The following FAM120C variants were observed in gnomAD, a reference collection of about 807,000 sequenced individuals.
FAM120C encodes family with sequence similarity 120 member C.
In FAM120C, 14 loss-of-function variants were observed where a neutral mutation model predicts 71.2. The observed-to-expected ratio is 0.20, with a 90% CI of 0.13 to 0.31. FAM120C has a LOEUF of 0.31. FAM120C is among the 10% of genes least tolerant of loss of function. The pLI is 1.00. For synonymous variants in FAM120C, 354 were observed against 353.2 expected (o/e 1.00, Z -0.03); for missense variants, 500 against 879.0 (o/e 0.57, Z 5.45).
intron 14 of FAM120C, 91 bp downstream of exon 14, chrX:54,081,231 A>C: frequency 1.1e-6 from 1 of 915,713 alleles, no homozygotes; most frequent in Admixed American, 3.3e-5. Flanking sequence ...TCTTGCCTTA[A>C]TAGAAGGATT....
chrX:54,127,012 A>C (rs997519851), intron 9 of FAM120C, among the ~76,000 whole-genome samples: 2 of 111,901 alleles, frequency 1.8e-5, no homozygotes, highest in Admixed American at 1.9e-4. Context: ...TCTGGTGGGA[A>C]CCTGCTTCCT....
chrX:54,126,762 C>T (rs1337256126), intron 9 of FAM120C, among the ~76,000 whole-genome samples: 1 of 113,171 alleles, frequency 8.8e-6, no homozygotes, highest in African/African-American at 3.2e-5. Context: ...AAATATTGAA[C>T]AAGTCTTACA....
chrX:54,091,504 T>C lies in FAM120C; in HGVS notation c.2313-78A>G. On this transcript the variant is annotated intron_variant, in intron 10 of 15. Transcript: ENST00000375180. ...ACAAAAACTTATTAAGCTAAGAACC[T>C]ATCATGAGCCAGTACTTGGCTAGAT... 4.4e-6 allele frequency: 3 copies of C among 685,783 alleles called. No homozygotes were observed. The Admixed American group carries it at 9.2e-5, about 21-fold the overall frequency. 56.5% of individuals were successfully genotyped at this position (685,783 alleles called of 1,213,427 possible). A position where few individuals can be genotyped will look rare whatever the true frequency, so the allele number is the denominator to read the frequency against.
intron 2 of FAM120C, among the ~76,000 whole-genome samples, chrX:54,158,158 T>C (rs1336689874): frequency 2.7e-5 from 3 of 112,447 alleles, no homozygotes; most frequent in Non-Finnish European, 5.6e-5. Context: ...AGCCACCAAT[T>C]ACTAACTGCC....
chrX:54,089,891 G>A (rs781828482), intron 11 of FAM120C, among the ~76,000 whole-genome samples: 4 of 109,554 alleles, frequency 3.7e-5, no homozygotes, highest in African/African-American at 1.3e-4. Context: ...CCTGGGAGGC[G>A]GAGGTTGTGG....
rs34032200 is a variant in FAM120C at position 54,075,797 on chromosome X, C to CA, written c.3037-2511dup. 9.8e-3 allele frequency among the ~76,000 whole-genome samples: 438 copies of CA among 44,495 alleles called. 3 individuals are homozygous for CA. The highest frequency in any genetic ancestry group is 0.018 in the African/African-American group (213 of 11,554). The allele number at this position is 44,495 out of a possible 115,157, so 38.6% of individuals were successfully genotyped here. A position where few individuals can be genotyped will look rare whatever the true frequency, so the allele number is the denominator to read the frequency against. On this transcript the variant is annotated intron_variant, in intron 15 of 15. Coordinates refer to ENST00000375180, the MANE Select transcript of FAM120C (RefSeq NM_017848.6). Reference sequence around the variant, plus strand: ...CTGGCGACAGAACGAGACTCTGTCTCAAAAAAAAAAAAAAAAAGAATTTAA... The same window carrying CA: ...CTGGCGACAGAACGAGACTCTGTCTCAAAAAAAAAAAAAAAAAAGAATTTAA...
In FAM120C at chrX:54,159,250, A is replaced by G. The variant is rs1350877170; in HGVS notation, c.946+120T>C. 3.3e-6 allele frequency: 3 copies of G among 903,019 alleles called. No individual in the cohort carries two copies. In the East Asian group the frequency reaches 9.6e-5, roughly 29 times the overall value. 74.4% of individuals were successfully genotyped at this position (903,019 alleles called of 1,213,427 possible). A position where few individuals can be genotyped will look rare whatever the true frequency, so the allele number is the denominator to read the frequency against. On this transcript the variant is annotated intron_variant, in intron 2 of 15. Coordinates refer to ENST00000375180, the MANE Select transcript of FAM120C (RefSeq NM_017848.6). The stretch of plus-strand genomic sequence containing the variant: ...TGCTGAGTTCTCCCCAGCAGTGTTT[A>G]GCGTGAAGACTTTAAGAAGACAAAT...
At chrX:54,081,646 C>T (rs1447422506) in intron 13 of FAM120C, among the ~76,000 whole-genome samples, 186 bp from the exon 14 acceptor site, 7 of 108,881 alleles carry the variant, frequency 6.4e-5, no homozygotes, top group South Asian at 8.1e-4. Context: ...TCGTGGTGTG[C>T]GGCTGCAATC....
chrX:54,177,069 C>T (rs782107773), intron 1 of FAM120C, among the ~76,000 whole-genome samples: 3 of 110,903 alleles, frequency 2.7e-5, no homozygotes, highest in Non-Finnish European at 3.8e-5. Flanking sequence ...AGAGAGGACA[C>T]GGTATGTCTA....
intron 10 of FAM120C, among the ~76,000 whole-genome samples, chrX:54,099,765 T>C (rs782303433): frequency 1.8e-5 from 2 of 112,590 alleles, no homozygotes; most frequent in Admixed American, 1.9e-4. Flanking sequence ...TTGTCAAAAA[T>C]TAATTGACCA....
intron 12 of FAM120C, among the ~76,000 whole-genome samples, chrX:54,087,544 T>G (rs907299684): frequency 2.7e-5 from 3 of 111,376 alleles, no homozygotes; most frequent in African/African-American, 9.8e-5. Flanking sequence ...TTTAAGCTCA[T>G]TAAAAAAAAC....
At position 54,135,051 on chromosome X, in the gene FAM120C, A is replaced by G; in HGVS notation, c.1396T>C (p.Ser466Pro). The change falls in exon 7 of 16, where the codon TCA becomes CCA. Residue 466 changes from serine (S) to proline (P), a missense_variant. By Grantham distance (74) the Ser-to-Pro change is moderately conservative. This residue lies in a region of FAM120C where 85 missense variants were observed against 84.9 expected (regional missense o/e 1.00). Coordinates refer to ENST00000375180, the MANE Select transcript of FAM120C (RefSeq NM_017848.6). ...YPPPFPVGPN[S>P]SLLFSSHALG... ...GCATGGGAGGAGAAGAGAAGAGATG[A>G]GTTGGGTCCCACTGGGAATGGTGGT... 1 of 1,209,493 alleles carries G rather than the reference A, an allele frequency of 8.3e-7. No homozygotes were observed. The highest frequency in any genetic ancestry group is 1.1e-6 in the Non-Finnish European group (1 of 893,928).
chrX:54,069,636 A>C lies in FAM120C; in HGVS notation c.*3397T>G. On this transcript the variant is annotated 3_prime_UTR_variant, in exon 16 of 16. Transcript: ENST00000375180. ...AATGCCTTGTTCGACTGTTTTTCTC[A>C]GTGATCAAAAAAAGTTAATGTGACT... 9.1e-6 allele frequency: 1 copy of C among 110,018 alleles called. No individual in the cohort carries two copies. The highest frequency in any genetic ancestry group is 1.9e-5 in the Non-Finnish European group (1 of 52,751). The allele number at this position is 110,018 out of a possible 1,213,427, so 9.1% of individuals were successfully genotyped here.
intron 4 of FAM120C, among the ~76,000 whole-genome samples, chrX:54,143,743 G>A (rs1484989385): frequency 8.9e-6 from 1 of 111,756 alleles, no homozygotes; most frequent in Non-Finnish European, 1.9e-5. Context: ...GGTATAAGGA[G>A]GAGCTGGTAC....
chrX:54,126,371 A>T (rs1481922894), intron 9 of FAM120C, among the ~76,000 whole-genome samples: 1 of 111,781 alleles, frequency 8.9e-6, no homozygotes, highest in Non-Finnish European at 1.9e-5. Context: ...TTATGCACAA[A>T]TTTTTTTCAA....
At chrX:54,084,347 A>T (rs913960433) in intron 13 of FAM120C, among the ~76,000 whole-genome samples, 2 of 111,878 alleles carry the variant, frequency 1.8e-5, no homozygotes, top group Admixed American at 9.6e-5. Flanking sequence ...CACACTGTTC[A>T]TCTAAGCCCA....
At chrX:54,075,100 T>C (rs887658478) in intron 15 of FAM120C, among the ~76,000 whole-genome samples, 3 of 111,539 alleles carry the variant, frequency 2.7e-5, no homozygotes, top group African/African-American at 6.5e-5. Flanking sequence ...CCAGGCTACA[T>C]TGAGTCATGA....
chrX:54,138,336 C>CA (rs1182804151), intron 4 of FAM120C, among the ~76,000 whole-genome samples: 1 of 107,628 alleles, frequency 9.3e-6, no homozygotes, highest in Non-Finnish European at 1.9e-5. Flanking sequence ...CCCGTCTCTG[C>CA]AAAAAATACA....
At chrX:54,156,640 A>G (rs1383001279) in intron 3 of FAM120C, among the ~76,000 whole-genome samples, 1 of 109,727 alleles carries the variant, frequency 9.1e-6, no homozygotes, top group Non-Finnish European at 1.9e-5. Flanking sequence ...TAATCCCAGC[A>G]CTTTGGGAGG....
Sources: gnomAD v4.1 joint callset for allele counts (sites outside exome capture counted in the v4.1 genomes callset) on GRCh38, gnomAD v4.1.1 for gene constraint, gnomAD v4.1.1 regional missense constraint, MANE v1.5 for transcripts, NCBI Gene and HGNC (gene_info 2026-07-23, HGNC 2026-07-21) for gene names.